PIAS1: variants seen among roughly 807,000 people sequenced by gnomAD.
PIAS1 encodes protein inhibitor of activated STAT 1, also known as E3 SUMO-protein ligase PIAS1.
A neutral mutation model predicts 71.3 loss-of-function variants in PIAS1; 6 were observed. The ratio of observed to expected loss-of-function variants is 0.08; its 90% CI spans 0.05 to 0.17. The LOEUF is 0.17. Ranked by LOEUF, PIAS1 falls within the 10% of genes least tolerant of loss-of-function variation. The probability of loss-of-function intolerance (pLI) is 1.00; values close to 1 mark genes in which losing one functional copy is unlikely to be tolerated. For missense variants in PIAS1, 555 were observed against 793.6 expected (o/e 0.70, Z 3.61); for synonymous variants, 303 against 292.9 (o/e 1.03, Z -0.35).
rs1188603304 is a variant in PIAS1 at position 68,188,086 on chromosome 15, GAA to G, written c.*256_*257del. 1 of 276,814 alleles carries G rather than the reference GAA, an allele frequency of 3.6e-6. No homozygotes were observed. Among genetic ancestry groups the G allele is most frequent in the African/African-American group, 2.2e-5 (1 of 45,466 alleles). The allele number at this position is 276,814 out of a possible 1,614,324, so 17.1% of individuals were successfully genotyped here. On this transcript the variant is annotated 3_prime_UTR_variant, in exon 14 of 14. Transcript: ENST00000249636. ...GTTTAAAAAAAAAAAGGAAAGAAAA[GAA>G]AAAAGAAAAACAAGCACCCACAAAC...
intron 13 of PIAS1, chr15:68,184,015 T>A (rs867848709): frequency 2.4e-4 from 39 of 165,548 alleles, no homozygotes; most frequent in Middle Eastern, 3.0e-3. Context: ...TTTTTTTTTT[T>A]AAGTTTGCTG....
chr15:68,176,720 G>A (rs2093022378), intron 11 of PIAS1, 66 bp downstream of exon 11: 1 of 1,061,056 alleles, frequency 9.4e-7, no homozygotes, highest in Non-Finnish European at 1.3e-6. Context: ...AGGGATTAAA[G>A]ACTTGCCAAA....
intron 2 of PIAS1, among the ~76,000 whole-genome samples, chr15:68,129,393 A>G (rs1180006158): frequency 6.6e-6 from 1 of 152,198 alleles, no homozygotes; most frequent in African/African-American, 2.4e-5. Context: ...TGTCTGCAAT[A>G]TTTATAAAGC....
At chr15:68,118,459 C>T (rs969395979) in intron 2 of PIAS1, among the ~76,000 whole-genome samples, 5 of 152,182 alleles carry the variant, frequency 3.3e-5, no homozygotes, top group African/African-American at 1.2e-4. Flanking sequence ...GCCTTAGCCT[C>T]CCAAGTTGCT....
intron 1 of PIAS1, among the ~76,000 whole-genome samples, chr15:68,069,527 G>T (rs1032772704): frequency 8.5e-5 from 13 of 152,280 alleles, no homozygotes; most frequent in African/African-American, 3.1e-4. Context: ...TCTAGGCTGG[G>T]CACGGTGGCT....
At position 68,110,069 on chromosome 15, in the gene PIAS1, A is replaced by G. The variant is rs181055755; in HGVS notation, c.469+23319A>G. Among the ~76,000 whole-genome samples the G allele has an allele frequency of 6.6e-5, 10 of 152,288 alleles. No individual in the cohort carries two copies. In the East Asian group the frequency reaches 1.7e-3, roughly 26 times the overall value. The stretch of plus-strand genomic sequence containing the variant: ...ATATTTTATGCATCAGTTTCCCCAA[A>G]TTCTTTGAACATGAAACCGTTTTTC... On this transcript the variant is annotated intron_variant, in intron 2 of 13. Transcript: ENST00000249636.
intron 9 of PIAS1, 125 bp from the exon 10 acceptor site, chr15:68,175,512 A>T (rs1180678738): frequency 2.8e-6 from 1 of 362,342 alleles, no homozygotes; most frequent in Admixed American, 4.8e-5. Context: ...TCTTACATAA[A>T]TGTGACATAA....
Position 68,192,633 on chromosome 15 carries a change from G to A in PIAS1, c.*4798G>A, listed in dbSNP as rs1404315971. The A allele has an allele frequency of 1.3e-5, 2 of 152,196 alleles. No individual in the cohort carries two copies. Among genetic ancestry groups the A allele is most frequent in the Non-Finnish European group, 2.9e-5 (2 of 68,052 alleles). The allele number at this position is 152,196 out of a possible 1,614,324, so 9.4% of individuals were successfully genotyped here. A position where few individuals can be genotyped will look rare whatever the true frequency, so the allele number is the denominator to read the frequency against. ...GGGTCTGAAGCCACACAGCATCGTT[G>A]AGACAGTTGCACTAACACTACAACT... On this transcript the variant is annotated 3_prime_UTR_variant, in exon 14 of 14. Coordinates refer to ENST00000249636, the MANE Select transcript of PIAS1 (RefSeq NM_016166.3).
In PIAS1 at chr15:68,133,062, A is replaced by AT. The variant is rs1013295632; in HGVS notation, c.470-8877dup. ...TACACAGAAAGTAGTAGCATACTGTATTTTTTTAATATTGTCGTTGTCACT... is the reference window on the plus strand; with the variant it reads ...TACACAGAAAGTAGTAGCATACTGTATTTTTTTTAATATTGTCGTTGTCACT... On this transcript the variant is annotated intron_variant, in intron 2 of 13. Transcript: ENST00000249636. Among the ~76,000 whole-genome samples, 12 of 150,980 alleles carry AT rather than the reference A, an allele frequency of 7.9e-5. No homozygotes were observed. The South Asian group carries it at 1.5e-3, about 18-fold the overall frequency.
chr15:68,136,823 C>T (rs993121510), intron 2 of PIAS1, among the ~76,000 whole-genome samples: 14 of 152,090 alleles, frequency 9.2e-5, no homozygotes, highest in Admixed American at 2.6e-4. Flanking sequence ...TTGTAGCAGA[C>T]TGGAGGAAAT....
intron 2 of PIAS1, among the ~76,000 whole-genome samples, chr15:68,091,319 A>G (rs2140987665): frequency 6.6e-6 from 1 of 152,240 alleles, no homozygotes; most frequent in African/African-American, 2.4e-5. Context: ...AATATTGTTT[A>G]TAGTTATTGT....
At chr15:68,085,400 AAAT>A (rs1260814802) in intron 1 of PIAS1, among the ~76,000 whole-genome samples, 1 of 152,226 alleles carries the variant, frequency 6.6e-6, no homozygotes, top group Non-Finnish European at 1.5e-5. Context: ...AAGGGGGACT[AAAT>A]AAGTTTGCGA....
At chr15:68,082,856 A>T (rs967180690) in intron 1 of PIAS1, among the ~76,000 whole-genome samples, 1 of 152,238 alleles carries the variant, frequency 6.6e-6, no homozygotes, top group South Asian at 2.1e-4. Context: ...ATTGTGGGGT[A>T]TGTTAAAGGG....
chr15:68,063,434 C>T (rs536956695), intron 1 of PIAS1, among the ~76,000 whole-genome samples: 1 of 152,190 alleles, frequency 6.6e-6, no homozygotes, highest in African/African-American at 2.4e-5. Context: ...AAGAAGGGGA[C>T]TGAAGAGGCA....
intron 8 of PIAS1, among the ~76,000 whole-genome samples, 159 bp downstream of exon 8, chr15:68,164,963 G>T (rs1209155554): frequency 2.0e-5 from 3 of 152,044 alleles, no homozygotes; most frequent in Non-Finnish European, 2.9e-5. Flanking sequence ...ATTGCATTTG[G>T]AATCTAAACA....
chr15:68,141,100 G>C (rs1190688459), intron 2 of PIAS1, among the ~76,000 whole-genome samples: 1 of 152,134 alleles, frequency 6.6e-6, no homozygotes, highest in Non-Finnish European at 1.5e-5. Flanking sequence ...CTACTTAGAA[G>C]GGTGAGGCAG....
chr15:68,179,875 G>A (rs561972185), intron 11 of PIAS1, among the ~76,000 whole-genome samples: 1 of 151,936 alleles, frequency 6.6e-6, no homozygotes, highest in East Asian at 1.9e-4. Context: ...ACCACGCCCG[G>A]CCCTCTTTTG....
chr15:68,080,203 G>A (rs776620777), intron 1 of PIAS1, among the ~76,000 whole-genome samples: 5 of 152,160 alleles, frequency 3.3e-5, no homozygotes, highest in East Asian at 1.9e-4. Flanking sequence ...TTCATGAAAT[G>A]TGGTAGTATA....
chr15:68,120,623 A>T (rs923553462), intron 2 of PIAS1, among the ~76,000 whole-genome samples: 2 of 151,982 alleles, frequency 1.3e-5, no homozygotes, highest in African/African-American at 4.8e-5. Context: ...TCTTTGTGCT[A>T]TTCTTGTCAT....
Sources: gnomAD v4.1 joint callset for allele counts (sites outside exome capture counted in the v4.1 genomes callset) on GRCh38, gnomAD v4.1.1 for gene constraint, MANE v1.5 for transcripts, NCBI Gene and HGNC (gene_info 2026-07-23, HGNC 2026-07-21) for gene names.